Variants in SH3KBP1 observed in about 807,000 individuals in gnomAD.
The protein encoded by SH3KBP1 is SH3 domain containing kinase binding protein 1.
Under a neutral mutation model 50.1 loss-of-function variants are expected in SH3KBP1, and 8 were observed. The observed-to-expected ratio is 0.16, with a 90% CI of 0.09 to 0.29. The LOEUF (loss-of-function observed/expected upper bound fraction) is 0.29, where lower values mean the gene tolerates loss of function less well. Among genes scored for constraint, SH3KBP1 ranks in the 10% least tolerant of loss-of-function variants. The probability of loss-of-function intolerance (pLI) is 1.00; values close to 1 mark genes in which losing one functional copy is unlikely to be tolerated. For synonymous variants in SH3KBP1, 227 were observed against 218.6 expected (o/e 1.04, Z -0.34); for missense variants, 377 against 535.2 (o/e 0.70, Z 2.92).
intron 2 of SH3KBP1, among the ~76,000 whole-genome samples, chrX:19,776,535 T>TTTGTTTTG (rs2065984328): frequency 1.5e-5 from 1 of 67,555 alleles, no homozygotes; most frequent in Non-Finnish European, 2.5e-5. Context: ...CAACCTGGTT[T>TTTGTTTTG]TTTTTTTTTT....
At chrX:19,693,185 C>T (rs997924027) in intron 5 of SH3KBP1, among the ~76,000 whole-genome samples, 19 of 111,776 alleles carry the variant, frequency 1.7e-4, no homozygotes, top group Non-Finnish European at 3.2e-4. Context: ...TTGCTGAACT[C>T]GGGTTTGCAT....
chrX:19,831,604 C>G (rs1603270520), intron 2 of SH3KBP1, among the ~76,000 whole-genome samples: 1 of 106,374 alleles, frequency 9.4e-6, no homozygotes, highest in South Asian at 4.2e-4. Context: ...CCAGCCTGAC[C>G]AACATGGAGA....
intron 1 of SH3KBP1, among the ~76,000 whole-genome samples, chrX:19,878,499 TGTGTGTGAGAGAGA>T (rs1265187540): frequency 4.9e-5 from 4 of 82,116 alleles, no homozygotes; most frequent in Admixed American, 2.5e-4. Context: ...TGTGTGTGTG[TGTGTGTGAGAGAGA>T]GAGAGAGAGA....
intron 3 of SH3KBP1, among the ~76,000 whole-genome samples, chrX:19,715,358 G>GAGAT (rs1351952925): frequency 1.8e-5 from 2 of 110,359 alleles, no homozygotes; most frequent in African/African-American, 6.6e-5. Flanking sequence ...ATAGAGGATA[G>GAGAT]AGATAGAAAG....
At chrX:19,720,600 T>A (rs1442931854) in intron 3 of SH3KBP1, among the ~76,000 whole-genome samples, 6 of 112,068 alleles carry the variant, frequency 5.4e-5, no homozygotes, top group African/African-American at 1.9e-4. Flanking sequence ...TAAACAAGAT[T>A]TCTCCTTTCT....
chrX:19,757,831 C>T lies in SH3KBP1; in HGVS notation c.163-11390G>A, dbSNP rs186720323. Among the ~76,000 whole-genome samples, 415 of 110,699 alleles carry T rather than the reference C, an allele frequency of 3.7e-3. 1 individual carries two copies. The highest frequency in any genetic ancestry group is 0.013 in the African/African-American group (394 of 30,460). On this transcript the variant is annotated intron_variant, in intron 2 of 17. Coordinates refer to ENST00000397821, the MANE Select transcript of SH3KBP1 (RefSeq NM_031892.3). ...GACACAAGGAAGAAGTTGACACTGC[C>T]CCCCAATAAGAGTTTAGCTATATAA...
intron 8 of SH3KBP1, among the ~76,000 whole-genome samples, chrX:19,619,132 T>G (rs5955827): frequency 0.016 from 1,758 of 110,627 alleles, 29 homozygotes; most frequent in African/African-American, 0.048. Context: ...AAAAATTATC[T>G]GGATGTGGTA....
At chrX:19,577,432 C>G in intron 12 of SH3KBP1, among the ~76,000 whole-genome samples, 1 of 111,594 alleles carries the variant, frequency 9.0e-6, no homozygotes, top group Non-Finnish European at 1.9e-5. Context: ...AAGTAAATTA[C>G]CTTTGCCTCT....
At chrX:19,708,933 C>T (rs1226728345) in intron 3 of SH3KBP1, among the ~76,000 whole-genome samples, 1 of 111,804 alleles carries the variant, frequency 8.9e-6, no homozygotes, top group East Asian at 2.8e-4. Flanking sequence ...CTAGTGTTAG[C>T]TGAAGCCATA....
chrX:19,655,743 C>T (rs148062502), intron 6 of SH3KBP1, among the ~76,000 whole-genome samples: 5,313 of 110,537 alleles, frequency 0.048, 321 homozygotes, highest in African/African-American at 0.17. Flanking sequence ...GCGATGGGTT[C>T]GATAGAAGCC....
chrX:19,708,950 A>G (rs931583767), intron 3 of SH3KBP1, among the ~76,000 whole-genome samples: 2 of 111,982 alleles, frequency 1.8e-5, no homozygotes, highest in African/African-American at 6.5e-5. Context: ...CATAAAACTT[A>G]CAGTTGTATG....
chrX:19,747,229 T>A (rs369644651), intron 2 of SH3KBP1, among the ~76,000 whole-genome samples: 3 of 112,569 alleles, frequency 2.7e-5, no homozygotes, highest in South Asian at 7.2e-4. Context: ...TGAAATCTGA[T>A]GGCTAATATA....
At chrX:19,747,049 T>C (rs755728499) in intron 2 of SH3KBP1, among the ~76,000 whole-genome samples, 7 of 112,097 alleles carry the variant, frequency 6.2e-5, no homozygotes, top group African/African-American at 1.9e-4. Context: ...AGAACACAAC[T>C]ATACTCATGC....
At position 19,536,158 on chromosome X, in the gene SH3KBP1, T is replaced by C. The variant is rs1291430971; in HGVS notation, c.*259A>G. 4.0e-6 allele frequency: 1 copy of C among 249,160 alleles called. No homozygotes were observed. The highest frequency in any genetic ancestry group is 2.8e-5 in the African/African-American group (1 of 35,460). 20.5% of individuals were successfully genotyped at this position (249,160 alleles called of 1,213,427 possible). ...CCTGAGTTTTCATTTCGCATTGAGA[T>C]CTCAGAGTAGAAAAGCCTTTAGCAC... On this transcript the variant is annotated 3_prime_UTR_variant, in exon 18 of 18. Coordinates refer to ENST00000397821, the MANE Select transcript of SH3KBP1 (RefSeq NM_031892.3).
chrX:19,806,945 A>G (rs1361020682), intron 2 of SH3KBP1, among the ~76,000 whole-genome samples: 1 of 111,923 alleles, frequency 8.9e-6, no homozygotes, highest in Non-Finnish European at 1.9e-5. Flanking sequence ...CTGGGAAGTC[A>G]GGCTGCCAGA....
chrX:19,598,274 T>C (rs2066970864), intron 9 of SH3KBP1, among the ~76,000 whole-genome samples: 1 of 108,406 alleles, frequency 9.2e-6, no homozygotes. Context: ...TATTTATTTA[T>C]AGAGATGGAG....
intron 8 of SH3KBP1, among the ~76,000 whole-genome samples, chrX:19,629,407 A>G (rs2061527922): frequency 9.0e-6 from 1 of 111,715 alleles, no homozygotes; most frequent in Non-Finnish European, 1.9e-5. Context: ...AGAATGACAA[A>G]AAGAAGGGGC....
intron 2 of SH3KBP1, among the ~76,000 whole-genome samples, chrX:19,818,789 A>T (rs191747848): frequency 1.1e-4 from 12 of 111,807 alleles, no homozygotes; most frequent in African/African-American, 3.9e-4. Flanking sequence ...CATAGTATAT[A>T]ATTTTTTTTA....
At chrX:19,834,812 T>C (rs1202015919) in intron 2 of SH3KBP1, among the ~76,000 whole-genome samples, 2 of 110,686 alleles carry the variant, frequency 1.8e-5, no homozygotes, top group African/African-American at 6.6e-5. Flanking sequence ...GGCGGATCAC[T>C]TGAGGTCAGG....
Sources: allele counts gnomAD v4.1 joint callset (sites outside exome capture counted in the v4.1 genomes callset), GRCh38; gene constraint gnomAD v4.1.1; transcripts MANE v1.5; gene names NCBI Gene and HGNC (gene_info 2026-07-23, HGNC 2026-07-21).